The following FMNL1 variants were observed in gnomAD, a reference collection of about 807,000 sequenced individuals.
FMNL1 encodes formin like 1.
In FMNL1, 43 loss-of-function variants were observed where a neutral mutation model predicts 121.3. The ratio of observed to expected loss-of-function variants is 0.35; its 90% CI spans 0.28 to 0.46. FMNL1 has a LOEUF of 0.46. Among genes scored for constraint, FMNL1 ranks in the 20% least tolerant of loss-of-function variants. FMNL1 has a pLI of 1.00. For synonymous variants in FMNL1, 613 were observed against 613.5 expected (o/e 1.00, Z 0.01); for missense variants, 1,191 against 1,482.4 (o/e 0.80, Z 3.23).
chr17:45,246,826 G>A, intron 26 of FMNL1, 41 bp from the exon 27 acceptor site: 1 of 701,262 alleles, frequency 1.4e-6, no homozygotes, highest in Non-Finnish European at 2.6e-6. Context: ...CCAGCTCTGG[G>A]CGGACTCCTG....
Position 45,233,268 on chromosome 17 carries a change from G to C in FMNL1, c.372G>C (p.Leu124=). The C allele has an allele frequency of 6.4e-7, 1 of 1,562,056 alleles. No homozygotes were observed. Among genetic ancestry groups the C allele is most frequent in the Non-Finnish European group, 8.7e-7 (1 of 1,153,432 alleles). The change falls in exon 4 of 27, where the codon CTG becomes CTC. Residue 124 remains leucine (L), a synonymous_variant. Transcript: ENST00000331495. This position sits in a 1 kb window ranked among gnomAD's most constrained non-coding sequence, Gnocchi z 4.1. Reference sequence around the variant, plus strand: ...AGTCCACGCAGGTGCTACGGGAGCTGGAGACCTCCCTGAGGACCAACCACA... The same window carrying C: ...AGTCCACGCAGGTGCTACGGGAGCTCGAGACCTCCCTGAGGACCAACCACA... The part of the protein sequence containing the change: ...VQESTQVLRE[L]ETSLRTNHIG...
Position 45,244,910 on chromosome 17 carries a change from G to C in FMNL1, c.2598+11G>C, listed in dbSNP as rs373117057. 4 of 1,613,168 alleles carry C rather than the reference G, an allele frequency of 2.5e-6. No homozygotes were observed. The African/African-American group carries it at 4.0e-5, about 16-fold the overall frequency. On this transcript the variant is annotated intron_variant, in intron 20 of 26. Coordinates refer to ENST00000331495, the MANE Select transcript of FMNL1 (RefSeq NM_005892.4). ...CAGAGCCTGGATGCGGTGAGGAGGG[G>C]CCCCTGGCTTGGGGACTGGGGCTGG...
At position 45,246,886 on chromosome 17, in the gene FMNL1, C is replaced by T. The variant is rs1380907113; in HGVS notation, c.*28C>T. On this transcript the variant is annotated 3_prime_UTR_variant, in exon 27 of 27. Transcript: ENST00000331495. ...TGCCAGATCTGCGGAACCAGCCCTA[C>T]ATCCGCGCAGACACAGGCCGCCGCA... 2 of 752,314 alleles carry T rather than the reference C, an allele frequency of 2.7e-6. No individual in the cohort carries two copies. The highest frequency in any genetic ancestry group is 1.8e-5 in the Admixed American group (1 of 56,988). The allele number at this position is 752,314 out of a possible 1,614,324, so 46.6% of individuals were successfully genotyped here.
At position 45,242,016 on chromosome 17, in the gene FMNL1, G is replaced by A. The variant is rs2143565131; in HGVS notation, c.1755G>A (p.Pro585=). 3 of 1,288,300 alleles carry A rather than the reference G, an allele frequency of 2.3e-6. No homozygotes were observed. The highest frequency in any genetic ancestry group is 1.7e-5 in the South Asian group (1 of 59,008). The allele number at this position is 1,288,300 out of a possible 1,614,324, so 79.8% of individuals were successfully genotyped here. A position where few individuals can be genotyped will look rare whatever the true frequency, so the allele number is the denominator to read the frequency against. ...PPAPPLPGDL[P]PPPPPPPPPP... Reference sequence around the variant, plus strand: ...CGCCGCCGCTGCCCGGAGACCTGCCGCCCCCACCCCCGCCACCGCCACCAC... The same window carrying A: ...CGCCGCCGCTGCCCGGAGACCTGCCACCCCCACCCCCGCCACCGCCACCAC... Residue 585 remains proline, a synonymous_variant, in exon 15 of 27, where the codon CCG becomes CCA. Transcript: ENST00000331495.
rs1340733926 is a variant in FMNL1 at position 45,221,921 on chromosome 17, C to G, written c.-204C>G. 1 of 342,258 alleles carries G rather than the reference C, an allele frequency of 2.9e-6. No individual in the cohort carries two copies. Among genetic ancestry groups the G allele is most frequent in the African/African-American group, 2.2e-5 (1 of 46,084 alleles). 21.2% of individuals were successfully genotyped at this position (342,258 alleles called of 1,614,324 possible). Reference sequence around the variant, plus strand: ...CCAACCCTGCAGCTCGCCGCCCGGTCCCACGGACGGGGCCGCCCCGATGGG... The same window carrying G: ...CCAACCCTGCAGCTCGCCGCCCGGTGCCACGGACGGGGCCGCCCCGATGGG... On this transcript the variant is annotated 5_prime_UTR_variant, in exon 1 of 27. Coordinates refer to ENST00000331495, the MANE Select transcript of FMNL1 (RefSeq NM_005892.4).
chr17:45,223,713 G>T (rs771316494), intron 1 of FMNL1, among the ~76,000 whole-genome samples: 18 of 152,204 alleles, frequency 1.2e-4, no homozygotes, highest in Non-Finnish European at 2.9e-5. Flanking sequence ...GCCTGCATTG[G>T]TGGTGGGTCC....
At chr17:45,222,832 G>A (rs767367155) in intron 1 of FMNL1, among the ~76,000 whole-genome samples, 6 of 148,632 alleles carry the variant, frequency 4.0e-5, no homozygotes, top group Non-Finnish European at 9.0e-5. Flanking sequence ...TCCTTTCCAA[G>A]CCACTGAAGG....
intron 6 of FMNL1, among the ~76,000 whole-genome samples, chr17:45,235,314 G>T (rs780385140): frequency 7.2e-5 from 11 of 152,214 alleles, no homozygotes; most frequent in Non-Finnish European, 1.2e-4. Context: ...CATCAGGAAG[G>T]CTTCCCAGAA....
At position 45,222,369 on chromosome 17, in the gene FMNL1, C is replaced by T. The variant is rs1598173033; in HGVS notation, c.129+116C>T. Reference sequence around the variant, plus strand: ...AGGTGCCGCTTGGAGATCCCCGGTCCGGCAGCTGCCCCCTCCAGGAGGTGG... The same window carrying T: ...AGGTGCCGCTTGGAGATCCCCGGTCTGGCAGCTGCCCCCTCCAGGAGGTGG... On this transcript the variant is annotated intron_variant, in intron 1 of 26. Coordinates refer to ENST00000331495, the MANE Select transcript of FMNL1 (RefSeq NM_005892.4). 3 of 874,808 alleles carry T rather than the reference C, an allele frequency of 3.4e-6. No homozygotes were observed. The South Asian group carries it at 1.7e-4, about 49-fold the overall frequency. 54.2% of individuals were successfully genotyped at this position (874,808 alleles called of 1,614,324 possible).
chr17:45,243,000 C>T, intron 16 of FMNL1, 118 bp from the exon 17 acceptor site: 2 of 1,116,064 alleles, frequency 1.8e-6, no homozygotes, highest in South Asian at 2.9e-5. Context: ...GGCTGGGTTA[C>T]TGGTTCTCTG....
chr17:45,228,385 G>A (rs933032960), intron 1 of FMNL1, among the ~76,000 whole-genome samples: 1 of 152,226 alleles, frequency 6.6e-6, no homozygotes, highest in Admixed American at 6.5e-5. Context: ...GGCCCCAGCA[G>A]AGGCCTCCCC....
rs762365100 is a variant in FMNL1 at position 45,243,889 on chromosome 17, A to G, written c.2312A>G (p.Glu771Gly). 1.2e-6 allele frequency: 2 copies of G among 1,613,752 alleles called. No individual in the cohort carries two copies. Among genetic ancestry groups the G allele is most frequent in the Non-Finnish European group, 8.5e-7 (1 of 1,180,036 alleles). Residue 771 changes from glutamate to glycine, a missense_variant, in exon 18 of 27, where the codon GAG (glutamate) becomes GGG (glycine). Around this residue, in one of 4 missense-constraint regions of FMNL1, gnomAD observed 367 missense variants for 528.6 expected, o/e 0.69. Coordinates refer to ENST00000331495, the MANE Select transcript of FMNL1 (RefSeq NM_005892.4). Reference sequence around the variant, plus strand: ...AGCCTCATCACCCGCTTTGAGCGGGAGCAGCGGCCAATGGAGGAGCTGTCA... The same window carrying G: ...AGCCTCATCACCCGCTTTGAGCGGGGGCAGCGGCCAATGGAGGAGCTGTCA... ...ERSLITRFER[E>G]QRPMEELSEE...
chr17:45,241,901 C>T lies in FMNL1; in HGVS notation c.1640C>T (p.Pro547Leu), dbSNP rs1230236354. ...APGAAPPPPP[P>L]LPGLPSPQEA... ...GGAGCAGCGCCACCGCCGCCGCCCCCACTGCCCGGCCTCCCCTCCCCGCAG... is the reference window on the plus strand; with the variant it reads ...GGAGCAGCGCCACCGCCGCCGCCCCTACTGCCCGGCCTCCCCTCCCCGCAG... Residue 547 changes from proline to leucine, a missense_variant, in exon 15 of 27, where the codon CCA becomes CTA. Transcript: ENST00000331495. This position sits in a 1 kb window ranked among gnomAD's most constrained non-coding sequence, Gnocchi z 7.0. 2 of 1,418,296 alleles carry T rather than the reference C, an allele frequency of 1.4e-6. No individual in the cohort carries two copies. The highest frequency in any genetic ancestry group is 1.5e-5 in the South Asian group (1 of 67,768). 87.9% of individuals were successfully genotyped at this position (1,418,296 alleles called of 1,614,324 possible).
At position 45,241,071 on chromosome 17, in the gene FMNL1, C is replaced by A; in HGVS notation, c.1231-58C>A. 1 of 1,598,552 alleles carries A rather than the reference C, an allele frequency of 6.3e-7. No homozygotes were observed. Among genetic ancestry groups the A allele is most frequent in the Non-Finnish European group, 8.6e-7 (1 of 1,169,412 alleles). ...GCAGGCATGCCTGATGCCGCCCCCT[C>A]ACCGGCGGTGCCAGTGCCGGGCTGC... is the stretch of plus-strand genomic sequence containing the variant. On this transcript the variant is annotated intron_variant, in intron 12 of 26. Coordinates refer to ENST00000331495, the MANE Select transcript of FMNL1 (RefSeq NM_005892.4). The surrounding 1 kb of genome is among the most constrained non-coding windows in gnomAD (Gnocchi z 7.0).
intron 1 of FMNL1, among the ~76,000 whole-genome samples, chr17:45,225,593 G>A (rs1160281893): frequency 6.6e-6 from 1 of 152,204 alleles, no homozygotes; most frequent in Non-Finnish European, 1.5e-5. Flanking sequence ...GGGGCTGACT[G>A]GCAGAGAGCT....
chr17:45,235,188 G>GAC (rs1394054542), intron 6 of FMNL1, among the ~76,000 whole-genome samples: 1 of 152,232 alleles, frequency 6.6e-6, no homozygotes, highest in African/African-American at 2.4e-5. Flanking sequence ...GTGCCCAGGA[G>GAC]ACAGGTCACC....
Position 45,222,243 on chromosome 17 carries a change from A to G in FMNL1, c.119A>G (p.Asn40Ser), listed in dbSNP as rs1483014828. The G allele has an allele frequency of 3.3e-6, 4 of 1,223,236 alleles. No individual in the cohort carries two copies. Among genetic ancestry groups the G allele is most frequent in the East Asian group, 3.8e-5 (1 of 26,642 alleles). 75.8% of individuals were successfully genotyped at this position (1,223,236 alleles called of 1,614,324 possible). The change falls in exon 1 of 27, where the codon AAC (asparagine) becomes AGC (serine). Residue 40 changes from asparagine to serine, a missense_variant. Physicochemically the swap from Asn to Ser is conservative, Grantham distance 46. Coordinates refer to ENST00000331495, the MANE Select transcript of FMNL1 (RefSeq NM_005892.4). ...PAAGELEERF[N>S]RALNCMNLPP... ...GCCGGAGAGCTGGAGGAGAGGTTCA[A>G]CCGCGCCCTGGTGAGTGCGACCCGG... is the stretch of plus-strand genomic sequence containing the variant.
rs149811878 is a variant in FMNL1 at position 45,222,207 on chromosome 17, C to G, written c.83C>G (p.Pro28Arg). 11 of 1,258,244 alleles carry G rather than the reference C, an allele frequency of 8.7e-6. No homozygotes were observed. Among genetic ancestry groups the G allele is most frequent in the African/African-American group, 6.3e-5 (4 of 63,140 alleles). The allele number at this position is 1,258,244 out of a possible 1,614,324, so 77.9% of individuals were successfully genotyped here. The change falls in exon 1 of 27, where the codon CCG becomes CGG. Residue 28 changes from proline (P) to arginine (R), a missense_variant. By Grantham distance (103) the Pro-to-Arg change is moderately radical. Around this residue, in one of 4 missense-constraint regions of FMNL1, gnomAD observed 52 missense variants for 43.4 expected, o/e 1.20. Transcript: ENST00000331495. ...PPKQPAPPKQ[P>R]MPAAGELEER... ...AAGCAGCCCGCGCCTCCCAAGCAGC[C>G]GATGCCCGCGGCCGGAGAGCTGGAG...
chr17:45,245,322 T>C lies in FMNL1; in HGVS notation c.2798T>C (p.Phe933Ser), dbSNP rs1224698219. 1.2e-6 allele frequency: 2 copies of C among 1,613,938 alleles called. No homozygotes were observed. Among genetic ancestry groups the C allele is most frequent in the South Asian group, 1.1e-5 (1 of 91,070 alleles). Residue 933 changes from phenylalanine to serine, a missense_variant, in exon 22 of 27, where the codon TTT (phenylalanine) becomes TCT (serine). Physicochemically the swap from Phe to Ser is radical, Grantham distance 155 (BLOSUM62 -2). Transcript: ENST00000331495. ...QRGLELTQRE[F>S]VRQDDCMVLK... ...GGCCTAGAGTTGACACAGAGAGAGT[T>C]TGTGCGGCAGGATGACTGCATGGTG...
Sources: gnomAD v4.1 joint callset for allele counts (sites outside exome capture counted in the v4.1 genomes callset) on GRCh38, gnomAD v4.1.1 for gene constraint, gnomAD v4.1.1 regional missense constraint, Gnocchi (gnomAD v3.1) non-coding constraint, MANE v1.5 for transcripts, NCBI Gene and HGNC (gene_info 2026-07-23, HGNC 2026-07-21) for gene names.